The following PPFIA2 variants were observed in gnomAD, a reference collection of about 807,000 sequenced individuals.
PPFIA2 encodes the protein PPFI scaffold protein A2, also known as liprin-alpha-2.
Under a neutral mutation model 175.5 loss-of-function variants are expected in PPFIA2, and 46 were observed. That is an observed-to-expected ratio of 0.26 (90% confidence interval 0.21 to 0.34). The LOEUF (loss-of-function observed/expected upper bound fraction) is 0.34. Ranked by LOEUF, PPFIA2 falls within the 10% of genes least tolerant of loss-of-function variation. The pLI is 1.00. For missense variants in PPFIA2, 1,179 were observed against 1,506.1 expected (o/e 0.78, Z 3.60); for synonymous variants, 568 against 511.4 (o/e 1.11, Z -1.49).
At chr12:81,748,339 A>G (rs1246668349) in intron 3 of PPFIA2, among the ~76,000 whole-genome samples, 1 of 144,510 alleles carries the variant, frequency 6.9e-6, no homozygotes, top group East Asian at 2.1e-4. Context: ...CCAGTGTTTC[A>G]TTTATCCTGT....
intron 4 of PPFIA2, among the ~76,000 whole-genome samples, chr12:81,626,845 C>G (rs2062768703): frequency 1.3e-5 from 2 of 151,990 alleles, no homozygotes; most frequent in Non-Finnish European, 2.9e-5. Flanking sequence ...TCTCTAGACA[C>G]TTTTTCATCT....
intron 4 of PPFIA2, among the ~76,000 whole-genome samples, chr12:81,511,664 C>T (rs1048007554): frequency 3.9e-5 from 6 of 152,004 alleles, no homozygotes; most frequent in Non-Finnish European, 8.8e-5. Flanking sequence ...TTGGCATCTA[C>T]ATCAGTATAT....
intron 4 of PPFIA2, among the ~76,000 whole-genome samples, chr12:81,574,852 G>T (rs1158665460): frequency 1.3e-5 from 2 of 151,762 alleles, no homozygotes; most frequent in Non-Finnish European, 2.9e-5. Context: ...GCTGCTGTAT[G>T]CCTTTGTGTT....
chr12:81,730,473 A>G (rs140637847), intron 3 of PPFIA2, among the ~76,000 whole-genome samples: 1,990 of 151,730 alleles, frequency 0.013, 39 homozygotes, highest in African/African-American at 0.045. Flanking sequence ...GGGAAATGCC[A>G]GATGCTTATG....
At chr12:81,735,032 C>CA (rs1486816481) in intron 3 of PPFIA2, among the ~76,000 whole-genome samples, 2 of 151,750 alleles carry the variant, frequency 1.3e-5, no homozygotes, top group African/African-American at 2.4e-5. Context: ...CATTTCATTG[C>CA]ATGAATACAC....
intron 22 of PPFIA2, among the ~76,000 whole-genome samples, chr12:81,301,476 G>T (rs1001345161): frequency 2.0e-5 from 3 of 151,994 alleles, no homozygotes; most frequent in African/African-American, 7.3e-5. Context: ...ATATTAGAAC[G>T]CTTTCATTTT....
intron 6 of PPFIA2, among the ~76,000 whole-genome samples, chr12:81,440,388 T>C (rs1255319663): frequency 6.6e-6 from 1 of 152,046 alleles, no homozygotes; most frequent in Non-Finnish European, 1.5e-5. Context: ...TAAAAAATAG[T>C]CACTGTTTAA....
At chr12:81,549,913 G>A (rs1053906087) in intron 4 of PPFIA2, among the ~76,000 whole-genome samples, 1 of 151,106 alleles carries the variant, frequency 6.6e-6, no homozygotes, top group African/African-American at 2.4e-5. Context: ...ATTTCCCCTC[G>A]CTTGACTAAA....
At chr12:81,584,384 C>T (rs796824374) in intron 4 of PPFIA2, among the ~76,000 whole-genome samples, 9 of 151,902 alleles carry the variant, frequency 5.9e-5, no homozygotes, top group African/African-American at 2.2e-4. Context: ...ATCTGTGTAA[C>T]ATCAACCAAC....
At chr12:81,648,574 G>T (rs1330748622) in intron 4 of PPFIA2, among the ~76,000 whole-genome samples, 1 of 151,640 alleles carries the variant, frequency 6.6e-6, no homozygotes, top group Non-Finnish European at 1.5e-5. Context: ...TCCTTAAATT[G>T]ATTTATATAT....
intron 24 of PPFIA2, among the ~76,000 whole-genome samples, chr12:81,291,016 T>C (rs1393441583): frequency 2.0e-5 from 3 of 151,712 alleles, no homozygotes; most frequent in East Asian, 1.9e-4. Context: ...TTACACTACA[T>C]TACTAAATTT....
intron 14 of PPFIA2, 99 bp from the exon 15 acceptor site, chr12:81,362,883 G>T (rs1347311012): frequency 1.4e-5 from 10 of 698,654 alleles, no homozygotes; most frequent in Non-Finnish European, 2.3e-5. Flanking sequence ...AAAAACTGAG[G>T]ATATATTTTT....
At position 81,362,679 on chromosome 12, in the gene PPFIA2, T is replaced by C; in HGVS notation, c.1637+14A>G. 2.0e-6 allele frequency: 3 copies of C among 1,506,056 alleles called. No individual in the cohort carries two copies. The highest frequency in any genetic ancestry group is 4.9e-5 in the East Asian group (2 of 40,514). 93.3% of individuals were successfully genotyped at this position (1,506,056 alleles called of 1,614,324 possible). On this transcript the variant is annotated intron_variant, in intron 15 of 32. Transcript: ENST00000549396. ...TTTCAGTGAATTATAGATAAGCTTT[T>C]AGTTTAATGTTACCTTGGTATTGTG... is the stretch of plus-strand genomic sequence containing the variant.
At chr12:81,313,676 T>C (rs1225622187) in intron 22 of PPFIA2, among the ~76,000 whole-genome samples, 1 of 152,052 alleles carries the variant, frequency 6.6e-6, no homozygotes, top group Non-Finnish European at 1.5e-5. Context: ...AACATACCTG[T>C]GAACTCTACG....
At chr12:81,470,954 C>A (rs1206746515) in intron 4 of PPFIA2, among the ~76,000 whole-genome samples, 1 of 152,100 alleles carries the variant, frequency 6.6e-6, no homozygotes, top group African/African-American at 2.4e-5. Flanking sequence ...TTGTCTACTT[C>A]TATTTCTGTA....
At chr12:81,361,006 A>AGGAG (rs2029916486) in intron 15 of PPFIA2, among the ~76,000 whole-genome samples, 1 of 151,680 alleles carries the variant, frequency 6.6e-6, no homozygotes, top group African/African-American at 2.4e-5. Context: ...GCTTGTAATT[A>AGGAG]TCTGTGAGTC....
At chr12:81,714,438 C>T (rs73151308) in intron 3 of PPFIA2, among the ~76,000 whole-genome samples, 52,652 of 150,618 alleles carry the variant, frequency 0.35, 10,353 homozygotes, top group Middle Eastern at 0.5. Flanking sequence ...AAGTTATAAA[C>T]ATTTTAGGCT....
chr12:81,731,632 AT>A (rs1265509897), intron 3 of PPFIA2, among the ~76,000 whole-genome samples: 1 of 151,686 alleles, frequency 6.6e-6, no homozygotes, highest in Non-Finnish European at 1.5e-5. Flanking sequence ...ATATATCATT[AT>A]ATGAGTATAT....
chr12:81,313,253 TTAC>T (rs1175543333), intron 22 of PPFIA2, among the ~76,000 whole-genome samples: 5 of 152,072 alleles, frequency 3.3e-5, no homozygotes, highest in African/African-American at 1.2e-4. Context: ...AATAAAATTG[TTAC>T]TACAACTCAT....
Sources: allele counts gnomAD v4.1 joint callset (sites outside exome capture counted in the v4.1 genomes callset), GRCh38; gene constraint gnomAD v4.1.1; transcripts MANE v1.5; gene names NCBI Gene and HGNC (gene_info 2026-07-23, HGNC 2026-07-21).